The following BTBD2 variants were observed in gnomAD, a reference collection of about 807,000 sequenced individuals.
BTBD2 encodes BTB/POZ domain-containing protein 2.
In BTBD2, 15 loss-of-function variants were observed where a neutral mutation model predicts 44.0. The observed-to-expected ratio is 0.34, with a 90% confidence interval of 0.23 to 0.53. The LOEUF is 0.53. Among genes scored for constraint, BTBD2 ranks in the 20% least tolerant of loss-of-function variants. The probability of loss-of-function intolerance (pLI) is 0.95; values close to 1 mark genes in which losing one functional copy is unlikely to be tolerated. For missense variants in BTBD2, 657 were observed against 746.4 expected (o/e 0.88, Z 1.39); for synonymous variants, 443 against 335.9 (o/e 1.32, Z -3.49).
At position 1,990,087 on chromosome 19, in the gene BTBD2, G is replaced by A. The variant is rs753734932; in HGVS notation, c.905C>T (p.Thr302Met). The A allele has an allele frequency of 3.3e-5, 53 of 1,612,916 alleles. No individual in the cohort carries two copies. Among genetic ancestry groups the A allele is most frequent in the Admixed American group, 6.7e-5 (4 of 60,000 alleles). Reference protein sequence around the residue: ...AECQRQQLQVTPENRRKVLGK... With the variant: ...AECQRQQLQVMPENRRKVLGK... ...CAGAACCTTCCGCCTGTTCTCTGGC[G>A]TCACCTGCAGCTGCTGCCGCTGACA... Residue 302 changes from threonine (T) to methionine (M), a missense_variant, in exon 5 of 9, where the codon ACG becomes ATG. By Grantham distance (81) the Thr-to-Met change is moderately conservative. Around this residue, in one of 3 missense-constraint regions of BTBD2, gnomAD observed 449 missense variants for 510.9 expected, o/e 0.88. Transcript: ENST00000255608.
At position 1,999,693 on chromosome 19, in the gene BTBD2, G is replaced by C. The variant is rs904864177; in HGVS notation, c.408-2230C>G. On this transcript the variant is annotated intron_variant, in intron 1 of 8. Coordinates refer to ENST00000255608, the MANE Select transcript of BTBD2 (RefSeq NM_017797.4). Reference sequence around the variant, plus strand: ...AAAAAAAAAAAGGCCAGGTGCAGTGGCTCACGCCTGTAATCCCACCACTTT... The same window carrying C: ...AAAAAAAAAAAGGCCAGGTGCAGTGCCTCACGCCTGTAATCCCACCACTTT... Among the ~76,000 whole-genome samples, 121 of 151,802 alleles carry C rather than the reference G, an allele frequency of 8.0e-4. 1 individual carries two copies. Among genetic ancestry groups the C allele is most frequent in the Middle Eastern group, 3.2e-3 (1 of 316 alleles).
In BTBD2 at chr19:2,015,589, C is replaced by T. The variant is rs1237227263; in HGVS notation, c.115G>A (p.Gly39Ser). Residue 39 changes from glycine (G) to serine (S), a missense_variant, in exon 1 of 9, where the codon GGC becomes AGC. By Grantham distance (56) the Gly-to-Ser change is moderately conservative. Coordinates refer to ENST00000255608, the MANE Select transcript of BTBD2 (RefSeq NM_017797.4). ...SANAAATPAP[G>S]NAAAAAAAAA... ...GCGGCGGCGGCGGCGGCCGCGTTGCCGGGGGCCGGGGTGGCGGCGGCGTTG... is the reference window on the plus strand; with the variant it reads ...GCGGCGGCGGCGGCGGCCGCGTTGCTGGGGGCCGGGGTGGCGGCGGCGTTG... 6.2e-6 allele frequency: 6 copies of T among 966,744 alleles called. No individual in the cohort carries two copies. Among genetic ancestry groups the T allele is most frequent in the South Asian group, 4.7e-5 (1 of 21,222 alleles). The allele number at this position is 966,744 out of a possible 1,614,324, so 59.9% of individuals were successfully genotyped here.
Position 1,986,962 on chromosome 19 carries a change from A to G in BTBD2, c.1284T>C (p.Asp428=), listed in dbSNP as rs762131393. The change falls in exon 8 of 9, where the codon GAT becomes GAC. Residue 428 remains aspartate, a synonymous_variant. Coordinates refer to ENST00000255608, the MANE Select transcript of BTBD2 (RefSeq NM_017797.4). ...CGTTCTGGCCCAAGACGGTGTTGCT[A>G]TCGGTGTGAATAATCTGCGGGGAGG... ...YQVNIQIIHT[D]SNTVLGQNDT... 3.1e-6 allele frequency: 5 copies of G among 1,612,398 alleles called. No homozygotes were observed. Among genetic ancestry groups the G allele is most frequent in the East Asian group, 4.5e-5 (2 of 44,840 alleles).
At chr19:2,010,706 C>G (rs1435466100) in intron 1 of BTBD2, among the ~76,000 whole-genome samples, 7 of 151,216 alleles carry the variant, frequency 4.6e-5, no homozygotes, top group Non-Finnish European at 1.0e-4. Context: ...GTGGCGCAAT[C>G]TTGGCTCACT....
chr19:1,995,874 C>G (rs985110425), intron 2 of BTBD2, among the ~76,000 whole-genome samples: 10 of 152,076 alleles, frequency 6.6e-5, no homozygotes, highest in African/African-American at 2.4e-4. Flanking sequence ...CCAGCATGGT[C>G]TCAATCTCCT....
rs2016216029 is a variant in BTBD2 at position 1,993,930 on chromosome 19, G to A, written c.528-754C>T. On this transcript the variant is annotated intron_variant, in intron 2 of 8. Transcript: ENST00000255608. ...GAGAATCGCTTGAACCTGGGAGGCA[G>A]ATGTTGCAGTGAGCTGAGATCTCGC... Among the ~76,000 whole-genome samples the A allele has an allele frequency of 2.1e-5, 3 of 141,958 alleles. No individual in the cohort carries two copies. The East Asian group carries it at 6.4e-4, about 30-fold the overall frequency. The allele number at this position is 141,958 out of a possible 152,430, so 93.1% of individuals were successfully genotyped here. A position where few individuals can be genotyped will look rare whatever the true frequency, so the allele number is the denominator to read the frequency against.
In BTBD2 at chr19:1,997,345, T is replaced by C. The variant is rs775771939; in HGVS notation, c.526A>G (p.Lys176Glu). The C allele has an allele frequency of 6.2e-7, 1 of 1,614,102 alleles. No individual in the cohort carries two copies. The highest frequency in any genetic ancestry group is 1.7e-5 in the Admixed American group (1 of 59,982). ...GCAGGAAGCATCCGGAAGCATTACT[T>C]GAGCAGTGCGAGGAAGGCAGCGGGT... ...VEPAAFLALL[K>E]FLYSDEVQIG... Residue 176 changes from lysine to glutamate, a missense_variant and splice_region_variant, in exon 2 of 9, where the codon AAG (lysine) becomes GAG (glutamate). Lys to Glu is a moderately conservative substitution (Grantham distance 56). This residue lies in a region of BTBD2 where 449 missense variants were observed against 510.9 expected (regional missense o/e 0.88). Transcript: ENST00000255608.
chr19:1,990,070 T>G lies in BTBD2; in HGVS notation c.922A>C (p.Lys308Gln). 1 of 1,613,286 alleles carries G rather than the reference T, an allele frequency of 6.2e-7. No individual in the cohort carries two copies. Among genetic ancestry groups the G allele is most frequent in the Non-Finnish European group, 8.5e-7 (1 of 1,180,030 alleles). Reference sequence around the variant, plus strand: ...AGGCCCAGGGCCTTGCCCAGAACCTTCCGCCTGTTCTCTGGCGTCACCTGC... The same window carrying G: ...AGGCCCAGGGCCTTGCCCAGAACCTGCCGCCTGTTCTCTGGCGTCACCTGC... ...QLQVTPENRRKVLGKALGLIR... is the reference protein window; with the variant it reads ...QLQVTPENRRQVLGKALGLIR... Residue 308 changes from lysine to glutamine, a missense_variant, in exon 5 of 9, where the codon AAG (lysine) becomes CAG (glutamine). Around this residue, in one of 3 missense-constraint regions of BTBD2, gnomAD observed 449 missense variants for 510.9 expected, o/e 0.88. Transcript: ENST00000255608.
chr19:2,013,434 C>T (rs2016493009), intron 1 of BTBD2: 2 of 903,458 alleles, frequency 2.2e-6, no homozygotes, highest in Non-Finnish European at 2.6e-6. Flanking sequence ...CTGGGGGTCT[C>T]TGGGTTGGAA....
intron 1 of BTBD2, chr19:2,003,412 C>G (rs1375770311): frequency 6.6e-6 from 1 of 150,938 alleles, no homozygotes; most frequent in Non-Finnish European, 1.5e-5. Flanking sequence ...AGGTGGAGGT[C>G]GCAGTGAGCC....
intron 1 of BTBD2, among the ~76,000 whole-genome samples, chr19:2,007,920 CAGTG>C (rs768895679): frequency 3.3e-5 from 5 of 152,122 alleles, no homozygotes; most frequent in Non-Finnish European, 4.4e-5. Flanking sequence ...GACTGTATTT[CAGTG>C]AGTATCTGTA....
intron 1 of BTBD2, among the ~76,000 whole-genome samples, chr19:2,011,752 C>T (rs2016467299): frequency 6.6e-6 from 1 of 152,154 alleles, no homozygotes; most frequent in African/African-American, 2.4e-5. Context: ...CAGACCCACC[C>T]TCCTGCTCCT....
rs577029056 is a variant in BTBD2 at position 1,998,425 on chromosome 19, C to T, written c.408-962G>A. On this transcript the variant is annotated intron_variant, in intron 1 of 8. Coordinates refer to ENST00000255608, the MANE Select transcript of BTBD2 (RefSeq NM_017797.4). Reference sequence around the variant, plus strand: ...CATGGAGGCCCAGGAACAGCAGGAGCGTGGGAGGAGCGTTAGGAGGCAGCA... The same window carrying T: ...CATGGAGGCCCAGGAACAGCAGGAGTGTGGGAGGAGCGTTAGGAGGCAGCA... Among the ~76,000 whole-genome samples, 10 of 152,326 alleles carry T rather than the reference C, an allele frequency of 6.6e-5. No individual in the cohort carries two copies. In the East Asian group the frequency reaches 1.7e-3, roughly 26 times the overall value.
intron 1 of BTBD2, among the ~76,000 whole-genome samples, chr19:2,011,377 C>T (rs1485056986): frequency 6.6e-6 from 1 of 152,134 alleles, no homozygotes; most frequent in African/African-American, 2.4e-5. Flanking sequence ...TGGGCCCATC[C>T]ACGGCGCGTT....
intron 2 of BTBD2, 93 bp from the exon 3 acceptor site, chr19:1,993,269 C>A: frequency 2.1e-6 from 3 of 1,449,498 alleles, no homozygotes; most frequent in Non-Finnish European, 2.7e-6. Context: ...TTAGACTCGG[C>A]CACCGGCCCT....
intron 1 of BTBD2, among the ~76,000 whole-genome samples, chr19:2,006,238 T>G (rs1371185892): frequency 6.6e-6 from 1 of 152,224 alleles, no homozygotes; most frequent in Admixed American, 6.6e-5. Flanking sequence ...TAGTCCGTAC[T>G]GGCACATGAG....
At chr19:2,004,633 C>G (rs912141736) in intron 1 of BTBD2, among the ~76,000 whole-genome samples, 1 of 150,860 alleles carries the variant, frequency 6.6e-6, no homozygotes, top group East Asian at 2.0e-4. Flanking sequence ...TGAGACCTGT[C>G]TCAGATATTC....
At chr19:2,008,202 CTA>C (rs1453265845) in intron 1 of BTBD2, among the ~76,000 whole-genome samples, 13 of 151,936 alleles carry the variant, frequency 8.6e-5, no homozygotes, top group Admixed American at 8.5e-4. Flanking sequence ...CAAGGTTTCA[CTA>C]TGTTTGCCAG....
intron 4 of BTBD2, 27 bp downstream of exon 4, chr19:1,990,686 GATTC>G (rs755531881): frequency 2.6e-6 from 4 of 1,561,472 alleles, no homozygotes. Context: ...GCCCCGCTGG[GATTC>G]CCACACCTGG....
Sources: allele counts gnomAD v4.1 joint callset (sites outside exome capture counted in the v4.1 genomes callset), GRCh38; gene constraint gnomAD v4.1.1; regional missense constraint gnomAD v4.1.1; transcripts MANE v1.5; gene names NCBI Gene and HGNC (gene_info 2026-07-23, HGNC 2026-07-21).